Variants in TRPM6 observed in about 807,000 individuals in gnomAD.
The protein encoded by TRPM6 is channel kinase 2.
A neutral mutation model predicts 247.6 loss-of-function variants in TRPM6; 111 were observed. The observed-to-expected ratio is 0.45, with a 90% CI of 0.38 to 0.52. The LOEUF (loss-of-function observed/expected upper bound fraction) is 0.52, where lower values mean the gene tolerates loss of function less well. Among genes scored for constraint, TRPM6 ranks in the 20% least tolerant of loss-of-function variants. The probability of loss-of-function intolerance (pLI) is 0.00; values close to 1 mark genes in which losing one functional copy is unlikely to be tolerated. For synonymous variants in TRPM6, 892 were observed against 853.8 expected (o/e 1.04, Z -0.78); for missense variants, 2,126 against 2,421.5 (o/e 0.88, Z 2.56).
At position 74,762,663 on chromosome 9, in the gene TRPM6, T is replaced by C. The variant is rs750380675; in HGVS notation, c.4008A>G (p.Gln1336=). 6.2e-7 allele frequency: 1 copy of C among 1,614,182 alleles called. No homozygotes were observed. Among genetic ancestry groups the C allele is most frequent in the African/African-American group, 1.3e-5 (1 of 75,060 alleles). The change falls in exon 26 of 39, where the codon CAA becomes CAG. Residue 1336 remains glutamine, a synonymous_variant. Transcript: ENST00000360774. Reference sequence around the variant, plus strand: ...GAAACTGGCCATACTTTGAGTGTGCTTGCCTGTTAGGAGACACCCCAGAAA... The same window carrying C: ...GAAACTGGCCATACTTTGAGTGTGCCTGCCTGTTAGGAGACACCCCAGAAA... ...IVVSGVSPNR[Q]AHSKYGQFLL...
At position 74,796,995 on chromosome 9, in the gene TRPM6, C is replaced by A. The variant is rs932225479; in HGVS notation, c.2239-102G>T. 1.5e-5 allele frequency: 16 copies of A among 1,032,348 alleles called. No homozygotes were observed. The South Asian group carries it at 2.2e-4, about 14-fold the overall frequency. 63.9% of individuals were successfully genotyped at this position (1,032,348 alleles called of 1,614,324 possible). On this transcript the variant is annotated intron_variant, in intron 17 of 38. Coordinates refer to ENST00000360774, the MANE Select transcript of TRPM6 (RefSeq NM_017662.5). ...TTTCAGTGTATATAAAATGCCAGAC[C>A]CATCCCAGTCAATTTTCATCGCATT...
intron 1 of TRPM6, among the ~76,000 whole-genome samples, chr9:74,874,708 C>CT (rs557001933): frequency 5.4e-5 from 8 of 148,832 alleles, no homozygotes; most frequent in Middle Eastern, 3.5e-3. Context: ...TTTTCTTTTT[C>CT]TTTTTTTTTA....
intron 13 of TRPM6, 151 bp from the exon 14 acceptor site, chr9:74,808,325 T>C (rs1828606461): frequency 1.0e-6 from 1 of 975,808 alleles, no homozygotes; most frequent in Admixed American, 2.1e-5. Flanking sequence ...TGACCAGCCA[T>C]TGATACAATC....
chr9:74,887,623 T>A (rs765606517), intron 1 of TRPM6: 24 of 1,548,682 alleles, frequency 1.5e-5, no homozygotes, highest in Non-Finnish European at 2.1e-5. Flanking sequence ...TGTAGTAGCG[T>A]ACACTACCTT....
At chr9:74,830,870 T>A (rs1353519310) in intron 6 of TRPM6, among the ~76,000 whole-genome samples, 1 of 136,454 alleles carries the variant, frequency 7.3e-6, no homozygotes, top group Non-Finnish European at 1.5e-5. Context: ...CCCAAAGTAC[T>A]GGGGTTATAG....
intron 7 of TRPM6, among the ~76,000 whole-genome samples, chr9:74,822,090 C>A (rs1829149663): frequency 6.6e-6 from 1 of 151,936 alleles, no homozygotes. Flanking sequence ...AATAATTTTT[C>A]AAAAAAATAA....
intron 38 of TRPM6, among the ~76,000 whole-genome samples, chr9:74,725,885 A>G (rs573663180): frequency 6.6e-6 from 1 of 152,348 alleles, no homozygotes; most frequent in Admixed American, 6.5e-5. Flanking sequence ...AGGTGCTATT[A>G]TGCCTGGTTT....
chr9:74,786,892 A>G (rs1827696475), intron 20 of TRPM6, among the ~76,000 whole-genome samples: 1 of 152,170 alleles, frequency 6.6e-6, no homozygotes, highest in African/African-American at 2.4e-5. Context: ...TGAGTTGTTG[A>G]CAAACTACTA....
At chr9:74,733,637 C>T (rs1321758105) in intron 36 of TRPM6, among the ~76,000 whole-genome samples, 1 of 152,214 alleles carries the variant, frequency 6.6e-6, no homozygotes, top group Non-Finnish European at 1.5e-5. Flanking sequence ...TTTGCACAGT[C>T]CATACATGGT....
In TRPM6 at chr9:74,762,919, T is replaced by G; in HGVS notation, c.3752A>C (p.His1251Pro). The G allele has an allele frequency of 6.2e-7, 1 of 1,605,994 alleles. No homozygotes were observed. ...RKHSTCKKLPHSWSNVICAEV... is the reference protein window; with the variant it reads ...RKHSTCKKLPPSWSNVICAEV... ...TGCACAGATGACATTGCTCCAGCTGTGGGGAAGTTTTTTGCAAGTAGAATG... is the reference window on the plus strand; with the variant it reads ...TGCACAGATGACATTGCTCCAGCTGGGGGGAAGTTTTTTGCAAGTAGAATG... The change falls in exon 26 of 39, where the codon CAC (histidine) becomes CCC (proline). Residue 1251 changes from histidine (H) to proline (P), a missense_variant. His to Pro is a moderately conservative substitution (Grantham distance 77). Transcript: ENST00000360774.
At chr9:74,785,784 A>C (rs940437131) in intron 21 of TRPM6, 90 bp downstream of exon 21, 34 of 1,483,574 alleles carry the variant, frequency 2.3e-5, no homozygotes, top group Middle Eastern at 2.1e-4. Flanking sequence ...TGGCCTCCCA[A>C]AGTGCTGGGA....
At chr9:74,787,434 A>G (rs922202895) in intron 20 of TRPM6, among the ~76,000 whole-genome samples, 1 of 152,200 alleles carries the variant, frequency 6.6e-6, no homozygotes, top group East Asian at 1.9e-4. Context: ...GAAATGTAAA[A>G]TAGTACACCG....
intron 37 of TRPM6, among the ~76,000 whole-genome samples, chr9:74,732,344 G>T (rs1825547246): frequency 6.6e-6 from 1 of 152,154 alleles, no homozygotes; most frequent in African/African-American, 2.4e-5. Flanking sequence ...GACAAAAAAG[G>T]AAACTGTGCT....
In TRPM6 at chr9:74,724,462, CA is replaced by C; in HGVS notation, c.*150del. On this transcript the variant is annotated 3_prime_UTR_variant, in exon 39 of 39. Transcript: ENST00000360774. ...CTAGGAGAACCCATTGATCATATAC[CA>C]ATGAGGCCTTTGAACAGAAGGAGAT... 1 of 1,109,306 alleles carries C rather than the reference CA, an allele frequency of 9.0e-7. No individual in the cohort carries two copies. 68.7% of individuals were successfully genotyped at this position (1,109,306 alleles called of 1,614,324 possible). A position where few individuals can be genotyped will look rare whatever the true frequency, so the allele number is the denominator to read the frequency against.
At chr9:74,761,408 C>A (rs1212310175) in intron 27 of TRPM6, among the ~76,000 whole-genome samples, 2 of 152,188 alleles carry the variant, frequency 1.3e-5, no homozygotes, top group Non-Finnish European at 2.9e-5. Context: ...TATATCCACT[C>A]TAATGACTCT....
At chr9:74,727,428 G>C (rs914895373) in intron 38 of TRPM6, among the ~76,000 whole-genome samples, 19 of 147,936 alleles carry the variant, frequency 1.3e-4, no homozygotes, top group Non-Finnish European at 1.9e-4. Flanking sequence ...TTTGTTATAA[G>C]TTTACACCTG....
intron 14 of TRPM6, among the ~76,000 whole-genome samples, chr9:74,805,551 T>A (rs1336058996): frequency 6.6e-6 from 1 of 152,230 alleles, no homozygotes; most frequent in Non-Finnish European, 1.5e-5. Flanking sequence ...AAGTAACATG[T>A]CTCAGAATGT....
intron 5 of TRPM6, among the ~76,000 whole-genome samples, chr9:74,838,474 T>C (rs748511523): frequency 3.3e-5 from 5 of 152,256 alleles, no homozygotes; most frequent in Non-Finnish European, 5.9e-5. Flanking sequence ...ACTTCCTTCA[T>C]TCCTTTTCAG....
intron 1 of TRPM6, among the ~76,000 whole-genome samples, chr9:74,878,480 C>A (rs998836839): frequency 6.6e-6 from 1 of 152,216 alleles, no homozygotes; most frequent in African/African-American, 2.4e-5. Context: ...CTAACAATCA[C>A]ACCTGAAGCC....
Sources: gnomAD v4.1 joint callset for allele counts (sites outside exome capture counted in the v4.1 genomes callset) on GRCh38, gnomAD v4.1.1 for gene constraint, MANE v1.5 for transcripts, NCBI Gene and HGNC (gene_info 2026-07-23, HGNC 2026-07-21) for gene names.